The following DNAH5 variants were observed in gnomAD, a reference collection of about 807,000 sequenced individuals.
DNAH5 encodes the protein axonemal beta dynein heavy chain 5.
DNAH5 carries 372 observed loss-of-function variants against 518.2 expected under a neutral mutation model. The observed-to-expected ratio is 0.72, with a 90% CI of 0.66 to 0.78. The LOEUF is 0.78. Among genes scored for constraint, DNAH5 ranks in the 30% least tolerant of loss-of-function variants. The pLI is 0.00. For synonymous variants in DNAH5, 2,039 were observed against 2,025.9 expected (o/e 1.01, Z -0.17); for missense variants, 5,523 against 5,687.0 (o/e 0.97, Z 0.93).
At chr5:13,845,849 T>C (rs1765920739) in intron 31 of DNAH5, among the ~76,000 whole-genome samples, 1 of 149,932 alleles carries the variant, frequency 6.7e-6, no homozygotes, top group African/African-American at 2.4e-5. Flanking sequence ...TTTTTTTTTT[T>C]AGACAGAGTC....
In DNAH5 at chr5:13,976,261, T is replaced by C. The variant is rs568401352; in HGVS notation, c.12+35387A>G. Among the ~76,000 whole-genome samples the C allele has an allele frequency of 5.9e-5, 9 of 152,328 alleles. No individual in the cohort carries two copies. In the East Asian group the frequency reaches 1.7e-3, roughly 29 times the overall value. ...AGTTCCCCCTTATCTACAGTTTCAT[T>C]TTCCTCAGTTGCCTGCAGCCAACAG... On this transcript the variant is annotated intron_variant, in intron 1 of 78. Transcript: ENST00000681290.
intron 1 of DNAH5, among the ~76,000 whole-genome samples, chr5:13,956,268 T>C (rs750443001): frequency 9.9e-5 from 15 of 152,246 alleles, no homozygotes; most frequent in Non-Finnish European, 1.9e-4. Context: ...ATAAACTTTA[T>C]GCTGGGATAT....
intron 29 of DNAH5, among the ~76,000 whole-genome samples, chr5:13,860,708 C>T (rs376718340): frequency 6.6e-5 from 10 of 152,102 alleles, no homozygotes; most frequent in African/African-American, 2.4e-4. Context: ...TTCTTTTATG[C>T]GTGAGCAATA....
At position 13,901,326 on chromosome 5, in the gene DNAH5, T is replaced by G. The variant is rs773743664; in HGVS notation, c.1978A>C (p.Ile660Leu). Residue 660 changes from isoleucine to leucine, a missense_variant, in exon 14 of 79, where the codon ATT (isoleucine) becomes CTT (leucine). Around this residue, in one of 3 missense-constraint regions of DNAH5, gnomAD observed 5,121 missense variants for 5,223.3 expected, o/e 0.98. Transcript: ENST00000265104. ...VLSTAEAKPI[I>L]RSYNRMAKVL... Reference sequence around the variant, plus strand: ...TTGGCCATCCTGTTGTAACTGCGAATTATAGGTTTGGCTTCTGCCGTGCTT... The same window carrying G: ...TTGGCCATCCTGTTGTAACTGCGAAGTATAGGTTTGGCTTCTGCCGTGCTT... 3 of 1,614,172 alleles carry G rather than the reference T, an allele frequency of 1.9e-6. No homozygotes were observed. The highest frequency in any genetic ancestry group is 4.5e-5 in the East Asian group (2 of 44,872).
chr5:13,724,766 C>G (rs1468036480), intron 70 of DNAH5, among the ~76,000 whole-genome samples: 1 of 152,126 alleles, frequency 6.6e-6, no homozygotes, highest in African/African-American at 2.4e-5. Context: ...TATGCAGCAT[C>G]TCCCCCACTC....
At chr5:13,851,386 C>A (rs1404893616) in intron 30 of DNAH5, among the ~76,000 whole-genome samples, 1 of 152,186 alleles carries the variant, frequency 6.6e-6, no homozygotes, top group Non-Finnish European at 1.5e-5. Context: ...CAGCTCACTG[C>A]AGCCTTGATT....
Position 14,002,036 on chromosome 5 carries a change from C to T in DNAH5, c.12+9612G>A, listed in dbSNP as rs1236264602. The stretch of plus-strand genomic sequence containing the variant: ...GCCGCAGCCTCCTGAGTAGCTGGGA[C>T]TACAGGCGCGCACCACCATACCCAG... On this transcript the variant is annotated intron_variant, in intron 1 of 78. Coordinates refer to the DNAH5 transcript ENST00000681290. Among the ~76,000 whole-genome samples, 3 of 151,994 alleles carry T rather than the reference C, an allele frequency of 2.0e-5. No individual in the cohort carries two copies. The East Asian group carries it at 5.8e-4, about 30-fold the overall frequency.
At chr5:13,873,993 T>C (rs1770514061) in intron 22 of DNAH5, among the ~76,000 whole-genome samples, 1 of 152,192 alleles carries the variant, frequency 6.6e-6, no homozygotes, top group Admixed American at 6.5e-5. Context: ...TGCACCAAGC[T>C]GCACCAAACC....
intron 65 of DNAH5, among the ~76,000 whole-genome samples, chr5:13,739,945 C>T (rs1249031140): frequency 6.6e-6 from 1 of 152,164 alleles, no homozygotes; most frequent in Non-Finnish European, 1.5e-5. Context: ...CCTTTCAACT[C>T]TCCACTTGGA....
chr5:13,724,094 A>G (rs1745408560), intron 70 of DNAH5, among the ~76,000 whole-genome samples: 1 of 152,260 alleles, frequency 6.6e-6, no homozygotes, highest in Non-Finnish European at 1.5e-5. Context: ...TAGAAAGAGT[A>G]CATTTCTTCA....
intron 19 of DNAH5, among the ~76,000 whole-genome samples, 199 bp downstream of exon 19, chr5:13,884,790 C>T (rs373894505): frequency 6.6e-6 from 1 of 152,202 alleles, no homozygotes; most frequent in South Asian, 2.1e-4. Context: ...GAGCTGAGAT[C>T]GTGCCGCTAC....
rs1489151063 is a variant in DNAH5 at position 13,776,567 on chromosome 5, A to G, written c.9245T>C (p.Leu3082Pro). 6.2e-7 allele frequency: 1 copy of G among 1,613,962 alleles called. No homozygotes were observed. Among genetic ancestry groups the G allele is most frequent in the Admixed American group, 1.7e-5 (1 of 59,980 alleles). Reference sequence around the variant, plus strand: ...TGGCGAGAAGCAGAGCACAATATGAAGGTTCTGTCGGACCCGACTCATGAA... The same window carrying G: ...TGGCGAGAAGCAGAGCACAATATGAGGGTTCTGTCGGACCCGACTCATGAA... ...DYFMSRVRQN[L>P]HIVLCFSPVG... The change falls in exon 55 of 79, where the codon CTT becomes CCT. Residue 3082 changes from leucine (L) to proline (P), a missense_variant. Coordinates refer to ENST00000265104, the MANE Select transcript of DNAH5 (RefSeq NM_001369.3).
chr5:13,777,336 G>T lies in DNAH5; in HGVS notation c.8971C>A (p.Leu2991Met), dbSNP rs1754249932. 29 of 1,613,224 alleles carry T rather than the reference G, an allele frequency of 1.8e-5. No individual in the cohort carries two copies. Among genetic ancestry groups the T allele is most frequent in the Non-Finnish European group, 2.5e-5 (29 of 1,179,524 alleles). The change falls in exon 54 of 79, where the codon CTG becomes ATG. Residue 2991 changes from leucine (L) to methionine (M), a missense_variant. By Grantham distance (15) the Leu-to-Met change is conservative. Coordinates refer to ENST00000265104, the MANE Select transcript of DNAH5 (RefSeq NM_001369.3). ...TLTRSYNTSN[L>M]MEDLKVLYRT... Reference sequence around the variant, plus strand: ...TACAAAACCTTCAGATCTTCCATCAGATTTGATGTGTTGTAGGATCTAAAG... The same window carrying T: ...TACAAAACCTTCAGATCTTCCATCATATTTGATGTGTTGTAGGATCTAAAG...
intron 47 of DNAH5, among the ~76,000 whole-genome samples, chr5:13,798,740 TTTTA>T (rs1157548763): frequency 0.3 from 25,678 of 85,950 alleles, 2,361 homozygotes; most frequent in South Asian, 0.37. Context: ...ATTTTATTTA[TTTTA>T]TTTATTTATT....
intron 46 of DNAH5, among the ~76,000 whole-genome samples, chr5:13,808,464 C>A (rs1307250017): frequency 6.6e-6 from 1 of 152,042 alleles, no homozygotes; most frequent in Non-Finnish European, 1.5e-5. Context: ...ACTAGCTCAG[C>A]GATCAAAGCA....
rs56686032 is a variant in DNAH5 at position 13,808,225 on chromosome 5, CA to C, written c.7753-501del. Among the ~76,000 whole-genome samples, 745 of 86,284 alleles carry C rather than the reference CA, an allele frequency of 8.6e-3. 2 individuals are homozygous for C. Among genetic ancestry groups the C allele is most frequent in the African/African-American group, 0.024 (506 of 21,290 alleles). The allele number at this position is 86,284 out of a possible 152,430, so 56.6% of individuals were successfully genotyped here. On this transcript the variant is annotated intron_variant, in intron 46 of 78. Coordinates refer to ENST00000265104, the MANE Select transcript of DNAH5 (RefSeq NM_001369.3). ...AACCTGGGTGACAGAGACTCCATCT[CA>C]AAAAAAAAAAAAAAAAAAAAAAGAG...
intron 1 of DNAH5, among the ~76,000 whole-genome samples, chr5:13,959,185 G>T (rs964335398): frequency 6.6e-6 from 1 of 152,220 alleles, no homozygotes; most frequent in African/African-American, 2.4e-5. Flanking sequence ...AACCTCCAGT[G>T]GTCAGCCCGC....
chr5:13,842,441 A>AGAGAGAGAG (rs1765349629), intron 32 of DNAH5, among the ~76,000 whole-genome samples: 5 of 102,144 alleles, frequency 4.9e-5, no homozygotes, highest in African/African-American at 1.7e-4. Flanking sequence ...GAAAGAAAGA[A>AGAGAGAGAG]AGAAAGAAAG....
At chr5:13,740,165 T>G (rs965169943) in intron 65 of DNAH5, among the ~76,000 whole-genome samples, 1 of 152,114 alleles carries the variant, frequency 6.6e-6, no homozygotes, top group Non-Finnish European at 1.5e-5. Context: ...TGACCTCCAC[T>G]TCAAAATGAG....
Sources: allele counts gnomAD v4.1 joint callset (sites outside exome capture counted in the v4.1 genomes callset), GRCh38; gene constraint gnomAD v4.1.1; regional missense constraint gnomAD v4.1.1; transcripts MANE v1.5; gene names NCBI Gene and HGNC (gene_info 2026-07-23, HGNC 2026-07-21).